Variants in SLC25A13 observed in about 807,000 individuals in gnomAD.
SLC25A13 encodes the protein electrogenic aspartate/glutamate antiporter SLC25A13, mitochondrial.
SLC25A13 carries 70 observed loss-of-function variants against 85.5 expected under a neutral mutation model. The observed-to-expected ratio is 0.82, with a 90% CI of 0.68 to 1.00. SLC25A13 has a LOEUF of 1.00. Among genes scored for constraint, SLC25A13 ranks in the 50% least tolerant of loss-of-function variants. The pLI is 0.00. For synonymous variants in SLC25A13, 259 were observed against 288.7 expected, an observed-to-expected ratio of 0.90 and a Z score of 1.04; for missense variants, 765 against 819.8, an observed-to-expected ratio of 0.93 and a Z score of 0.82.
intron 3 of SLC25A13, among the ~76,000 whole-genome samples, chr7:96,236,180 T>C (rs1008096021): frequency 3.3e-5 from 5 of 152,146 alleles, no homozygotes; most frequent in African/African-American, 1.2e-4. Context: ...GTGTGTTCAA[T>C]ATAGCATCTC....
At chr7:96,222,332 G>A (rs6465493) in intron 4 of SLC25A13, among the ~76,000 whole-genome samples, 149,206 of 152,354 alleles carry the variant, frequency 0.98, 73,079 homozygotes, top group East Asian at 1. Flanking sequence ...AGGCCTCCCA[G>A]TGTGGCACAG....
In SLC25A13 at chr7:96,170,090, T is replaced by C. The variant is rs777639882; in HGVS notation, c.1266A>G (p.Lys422=). ...NDFVRDKFMH[K]DGSVPLAAEI... is the part of the protein sequence containing the mutation. ...CTGCTGCAAGTGGGACCGAACCATC[T>C]TTGTGCATAAATTTATCCCTCACAA... Residue 422 remains lysine, a synonymous_variant, in exon 13 of 18, where the codon AAA becomes AAG. Coordinates refer to ENST00000265631, the MANE Select transcript of SLC25A13 (RefSeq NM_014251.3). 2 of 1,614,206 alleles carry C rather than the reference T, an allele frequency of 1.2e-6. No individual in the cohort carries two copies.
At chr7:96,128,777 A>G (rs1289607820) in intron 15 of SLC25A13, among the ~76,000 whole-genome samples, 1 of 148,262 alleles carries the variant, frequency 6.7e-6, no homozygotes, top group Non-Finnish European at 1.5e-5. Flanking sequence ...AATAATAATA[A>G]TAATAATAAT....
chr7:96,309,810 C>T (rs1799885991), intron 1 of SLC25A13: 1 of 152,102 alleles, frequency 6.6e-6, no homozygotes, highest in South Asian at 2.1e-4. Context: ...GAACTGTGTC[C>T]CCCACACCTA....
intron 4 of SLC25A13, among the ~76,000 whole-genome samples, chr7:96,210,083 T>C (rs1450769134): frequency 6.6e-6 from 1 of 152,182 alleles, no homozygotes; most frequent in Non-Finnish European, 1.5e-5. Context: ...ATACCCACAG[T>C]TTTTATTCCA....
chr7:96,164,512 T>C (rs1793655967), intron 13 of SLC25A13, among the ~76,000 whole-genome samples: 1 of 152,282 alleles, frequency 6.6e-6, no homozygotes. Context: ...AAAGTTGCTA[T>C]CTAAATTTTA....
intron 4 of SLC25A13, among the ~76,000 whole-genome samples, chr7:96,216,877 C>T (rs1795919843): frequency 6.6e-6 from 1 of 151,724 alleles, no homozygotes; most frequent in South Asian, 2.1e-4. Context: ...TGAACCTGCA[C>T]ATGTACCCCT....
At chr7:96,244,058 C>G (rs921559649) in intron 3 of SLC25A13, among the ~76,000 whole-genome samples, 2 of 152,104 alleles carry the variant, frequency 1.3e-5, no homozygotes, top group African/African-American at 4.8e-5. Context: ...AAACCTGGGT[C>G]GTAGCAAGAG....
chr7:96,302,914 A>C (rs2117008045), intron 1 of SLC25A13, among the ~76,000 whole-genome samples: 1 of 152,324 alleles, frequency 6.6e-6, no homozygotes, highest in South Asian at 2.1e-4. Context: ...TTAAAGTTTA[A>C]GAACCACAGC....
chr7:96,240,966 G>C (rs1274050019), intron 3 of SLC25A13, among the ~76,000 whole-genome samples: 2 of 91,534 alleles, frequency 2.2e-5, no homozygotes, highest in Admixed American at 3.2e-4. Context: ...AGCTACGAAA[G>C]CCGAAAGGAG....
chr7:96,146,816 C>T lies in SLC25A13; in HGVS notation c.1312-120G>A. On this transcript the variant is annotated intron_variant, in intron 13 of 17. Transcript: ENST00000265631. Reference sequence around the variant, plus strand: ...TATCCTCAAGAGAATGTAGTTTCAGCCCTTGTCCCATCAATCAAAACGGTT... The same window carrying T: ...TATCCTCAAGAGAATGTAGTTTCAGTCCTTGTCCCATCAATCAAAACGGTT... The T allele has an allele frequency of 2.4e-6, 3 of 1,233,390 alleles. No homozygotes were observed. The East Asian group carries it at 7.0e-5, about 29-fold the overall frequency. The allele number at this position is 1,233,390 out of a possible 1,614,324, so 76.4% of individuals were successfully genotyped here.
intron 15 of SLC25A13, among the ~76,000 whole-genome samples, chr7:96,122,706 A>C (rs969662714): frequency 5.9e-5 from 9 of 152,198 alleles, no homozygotes; most frequent in Non-Finnish European, 1.0e-4. Flanking sequence ...ACTGGCTGAT[A>C]ATCAATGAAA....
intron 13 of SLC25A13, among the ~76,000 whole-genome samples, chr7:96,165,191 A>G (rs766847663): frequency 5.3e-5 from 8 of 152,222 alleles, no homozygotes; most frequent in Non-Finnish European, 1.0e-4. Flanking sequence ...AATCATGAAA[A>G]ATAAGTAAGT....
rs1799766616 is a variant in SLC25A13 at position 96,306,958 on chromosome 7, T to C, written c.16-10007A>G. 4 of 868,340 alleles carry C rather than the reference T, an allele frequency of 4.6e-6. No homozygotes were observed. The African/African-American group carries it at 5.0e-5, about 11-fold the overall frequency. 53.8% of individuals were successfully genotyped at this position (868,340 alleles called of 1,614,324 possible). A position where few individuals can be genotyped will look rare whatever the true frequency, so the allele number is the denominator to read the frequency against. ...ACCACACTCGCATTTCCTCCTGTAG[T>C]GACCACAGGTCCCAGCACCGATGGC... On this transcript the variant is annotated intron_variant, in intron 1 of 17. Coordinates refer to ENST00000265631, the MANE Select transcript of SLC25A13 (RefSeq NM_014251.3).
chr7:96,163,596 T>C (rs1562806388), intron 13 of SLC25A13, among the ~76,000 whole-genome samples: 1 of 152,206 alleles, frequency 6.6e-6, no homozygotes, highest in Non-Finnish European at 1.5e-5. Context: ...TCCTCAATGA[T>C]GGAGAAACAC....
chr7:96,230,660 T>G (rs1796508804), intron 4 of SLC25A13, among the ~76,000 whole-genome samples: 1 of 152,196 alleles, frequency 6.6e-6, no homozygotes, highest in African/African-American at 2.4e-5. Flanking sequence ...CACCTACAAC[T>G]ATCTGATCTT....
At chr7:96,288,409 T>C (rs986179112) in intron 2 of SLC25A13, among the ~76,000 whole-genome samples, 10 of 152,148 alleles carry the variant, frequency 6.6e-5, no homozygotes, top group South Asian at 2.1e-4. Context: ...CTGGGGCTCA[T>C]TGGACAGTGG....
chr7:96,239,522 G>A (rs186236669), intron 3 of SLC25A13, among the ~76,000 whole-genome samples: 9 of 152,066 alleles, frequency 5.9e-5, no homozygotes, highest in South Asian at 2.1e-4. Flanking sequence ...TTTTCCACCC[G>A]CAACTCCCAG....
intron 14 of SLC25A13, among the ~76,000 whole-genome samples, chr7:96,135,466 T>C (rs189417526): frequency 2.0e-5 from 3 of 152,336 alleles, no homozygotes; most frequent in Non-Finnish European, 4.4e-5. Flanking sequence ...CCTTAGGCAA[T>C]ACCTGACCTG....
Sources: allele counts gnomAD v4.1 joint callset (sites outside exome capture counted in the v4.1 genomes callset), GRCh38; gene constraint gnomAD v4.1.1; transcripts MANE v1.5; gene names NCBI Gene and HGNC (gene_info 2026-07-23, HGNC 2026-07-21).